Variants in SAMD5 observed in about 807,000 individuals in gnomAD.
SAMD5 encodes the protein sterile alpha motif domain-containing protein 5.
Under a neutral mutation model 11.3 loss-of-function variants are expected in SAMD5, and 13 were observed. The ratio of observed to expected loss-of-function variants is 1.15; its 90% CI spans 0.75 to 1.83. The LOEUF (loss-of-function observed/expected upper bound fraction) is 1.83. Among genes scored for constraint, SAMD5 ranks in the 40% most tolerant of loss-of-function variants. The pLI is 0.00. For synonymous variants in SAMD5, 129 were observed against 111.3 expected (o/e 1.16, Z -1.00); for missense variants, 255 against 239.1 (o/e 1.07, Z -0.44).
rs370130420 is a variant in SAMD5, at chr6:147,561,736, A to C, written c.460-2658A>C. 6.2e-4 allele frequency among the ~76,000 whole-genome samples: 95 copies of C among 152,276 alleles called. 1 individual carries two copies. Among genetic ancestry groups the C allele is most frequent in the African/African-American group, 2.1e-3 (88 of 41,566 alleles). ...GTTGTCTTCAGCAGTTACCTCCTTCAAGCTTGTCAGAATTTTAAAACCGTT... is the reference window on the plus strand; with the variant it reads ...GTTGTCTTCAGCAGTTACCTCCTTCCAGCTTGTCAGAATTTTAAAACCGTT... On this transcript the variant is annotated intron_variant, in intron 1 of 1. Coordinates refer to ENST00000367474, the MANE Select transcript of SAMD5 (RefSeq NM_001030060.3).
intron 1 of SAMD5, among the ~76,000 whole-genome samples, chr6:147,590,247 T>A (rs1473103536): frequency 6.6e-6 from 1 of 152,148 alleles, no homozygotes; most frequent in African/African-American, 2.4e-5. Context: ...AGATTGTATT[T>A]ATCTCTTAAA....
downstream of SAMD5, among the ~76,000 whole-genome samples, chr6:147,737,911 T>C (rs1221379307): frequency 2.0e-5 from 3 of 151,992 alleles, no homozygotes; most frequent in Non-Finnish European, 4.4e-5. Flanking sequence ...AAGAAAAACA[T>C]ACAGAAAGGA....
Position 147,569,877 on chromosome 6 carries a change from A to G in SAMD5, c.*5421A>G, listed in dbSNP as rs1382595804. On this transcript the variant is annotated 3_prime_UTR_variant, in exon 2 of 2. Coordinates refer to ENST00000367474, the MANE Select transcript of SAMD5 (RefSeq NM_001030060.3). ...TGACACTTTCTTTTCCCTTTCAGTT[A>G]TTATTTTTTTTAAAGGACGTTATGA... The G allele has an allele frequency of 1.0e-6, 1 of 985,028 alleles. No homozygotes were observed. The highest frequency in any genetic ancestry group is 1.2e-6 in the Non-Finnish European group (1 of 829,712). 61.0% of individuals were successfully genotyped at this position (985,028 alleles called of 1,614,324 possible). A position where few individuals can be genotyped will look rare whatever the true frequency, so the allele number is the denominator to read the frequency against.
the SAMD5 span, among the ~76,000 whole-genome samples, chr6:147,771,442 GC>G: frequency 6.6e-6 from 1 of 152,106 alleles, no homozygotes; most frequent in Admixed American, 6.5e-5. Flanking sequence ...AGGAATGAAG[GC>G]CCTGGTAATC....
intron 1 of SAMD5, among the ~76,000 whole-genome samples, chr6:147,650,793 T>C (rs1790472472): frequency 6.6e-6 from 1 of 152,108 alleles, no homozygotes; most frequent in African/African-American, 2.4e-5. Context: ...GCGGTTTCCA[T>C]GTGTTCAGTT....
At chr6:147,613,379 T>C (rs1011152665) in intron 1 of SAMD5, among the ~76,000 whole-genome samples, 2 of 151,836 alleles carry the variant, frequency 1.3e-5, no homozygotes, top group South Asian at 4.2e-4. Flanking sequence ...GATAGTCTGA[T>C]CCATTGTCAA....
the SAMD5 span, among the ~76,000 whole-genome samples, chr6:147,756,747 GCCA>G: frequency 6.6e-6 from 1 of 152,176 alleles, no homozygotes; most frequent in Non-Finnish European, 1.5e-5. Context: ...TAAGTCTGTA[GCCA>G]CCATTTGTGT....
intron 1 of SAMD5, among the ~76,000 whole-genome samples, chr6:147,685,058 G>A (rs540415513): frequency 6.6e-4 from 100 of 152,276 alleles, no homozygotes; most frequent in Non-Finnish European, 1.2e-3. Context: ...TGTAACTTAT[G>A]GAATGGAGCA....
At chr6:147,888,209 G>A in the SAMD5 span, among the ~76,000 whole-genome samples, 10 of 152,008 alleles carry the variant, frequency 6.6e-5, no homozygotes, top group South Asian at 2.1e-3. Context: ...ATTTTGTCTA[G>A]GAAAACATTG....
In SAMD5 at chr6:147,568,042, C is replaced by A; in HGVS notation, c.*3586C>A. Reference sequence around the variant, plus strand: ...TTCATTAGCTTTCTTCTCTTTATGGCAGCTTCAGATTGATGAATTTGAGGT... The same window carrying A: ...TTCATTAGCTTTCTTCTCTTTATGGAAGCTTCAGATTGATGAATTTGAGGT... On this transcript the variant is annotated 3_prime_UTR_variant, in exon 2 of 2. Transcript: ENST00000367474. 1 of 985,284 alleles carries A rather than the reference C, an allele frequency of 1.0e-6. No individual in the cohort carries two copies. The highest frequency in any genetic ancestry group is 1.7e-5 in the African/African-American group (1 of 57,338). 61.0% of individuals were successfully genotyped at this position (985,284 alleles called of 1,614,324 possible).
chr6:147,565,100 T>G lies in SAMD5; in HGVS notation c.*644T>G. 1 of 984,902 alleles carries G rather than the reference T, an allele frequency of 1.0e-6. No individual in the cohort carries two copies. Among genetic ancestry groups the G allele is most frequent in the Non-Finnish European group, 1.2e-6 (1 of 829,442 alleles). 61.0% of individuals were successfully genotyped at this position (984,902 alleles called of 1,614,324 possible). On this transcript the variant is annotated 3_prime_UTR_variant, in exon 2 of 2. Transcript: ENST00000367474. Reference sequence around the variant, plus strand: ...CAAGAGAGGACAATTTCTTCTAACTTCTCTTTTTAAATTTAATCTGGCTGA... The same window carrying G: ...CAAGAGAGGACAATTTCTTCTAACTGCTCTTTTTAAATTTAATCTGGCTGA...
In SAMD5 at chr6:147,654,792, AT is replaced by A. The variant is rs934138661; in HGVS notation, c.163-82524del. Among the ~76,000 whole-genome samples the A allele has an allele frequency of 6.1e-5, 9 of 147,748 alleles. No individual in the cohort carries two copies. In the South Asian group the frequency reaches 1.1e-3, roughly 18 times the overall value. On this transcript the variant is annotated intron_variant, in intron 1 of 1. Coordinates refer to the SAMD5 transcript ENST00000566741. Reference sequence around the variant, plus strand: ...CTATCTTTTTCTCAAAAAAAAAAAAATATAAAACAAAGTGCAGGAAACCCAA... The same window carrying A: ...CTATCTTTTTCTCAAAAAAAAAAAAAATAAAACAAAGTGCAGGAAACCCAA...
At chr6:147,668,047 C>T (rs542999366) in intron 1 of SAMD5, among the ~76,000 whole-genome samples, 35 of 152,020 alleles carry the variant, frequency 2.3e-4, no homozygotes, top group Middle Eastern at 6.8e-3. Flanking sequence ...ACTAAAAATG[C>T]GATACAAGAA....
chr6:147,570,240 T>A (rs1451766690), downstream of SAMD5, among the ~76,000 whole-genome samples: 1 of 152,058 alleles, frequency 6.6e-6, no homozygotes, highest in Admixed American at 6.5e-5. Context: ...TTTGGTATGG[T>A]TGTTATATGT....
At chr6:147,632,924 C>T (rs1216766754) in intron 1 of SAMD5, among the ~76,000 whole-genome samples, 2 of 152,170 alleles carry the variant, frequency 1.3e-5, no homozygotes, top group Non-Finnish European at 2.9e-5. Context: ...TTTCCACAGT[C>T]ATGCCTTTGC....
the SAMD5 span, among the ~76,000 whole-genome samples, chr6:147,829,159 G>T: frequency 1.3e-5 from 2 of 152,276 alleles, no homozygotes; most frequent in Middle Eastern, 3.4e-3. Flanking sequence ...GAAGTAGTTT[G>T]CTAATATGAT....
In SAMD5 at chr6:147,569,595, C is replaced by A; in HGVS notation, c.*5139C>A. On this transcript the variant is annotated 3_prime_UTR_variant, in exon 2 of 2. Transcript: ENST00000367474. The stretch of plus-strand genomic sequence containing the variant: ...AAATGAAATGCTGTGTTAAATATCT[C>A]CAGGGCAAAGTGGTATGTTGACTGG... 3.1e-6 allele frequency: 3 copies of A among 983,464 alleles called. No homozygotes were observed. The highest frequency in any genetic ancestry group is 3.6e-6 in the Non-Finnish European group (3 of 828,196). 60.9% of individuals were successfully genotyped at this position (983,464 alleles called of 1,614,324 possible).
intron 1 of SAMD5, among the ~76,000 whole-genome samples, chr6:147,646,835 T>C (rs911309223): frequency 6.6e-6 from 1 of 151,878 alleles, no homozygotes; most frequent in Non-Finnish European, 1.5e-5. Flanking sequence ...TAAAAGAAAA[T>C]GTTATTAAGA....
At chr6:147,816,301 A>AAAAAAT in the SAMD5 span, among the ~76,000 whole-genome samples, 24 of 66,352 alleles carry the variant, frequency 3.6e-4, 1 homozygote, top group African/African-American at 2.0e-3. Context: ...AAAAAAAAAA[A>AAAAAAT]ATATATATAT....
Sources: allele counts gnomAD v4.1 joint callset (sites outside exome capture counted in the v4.1 genomes callset), GRCh38; gene constraint gnomAD v4.1.1; transcripts MANE v1.5; gene names NCBI Gene and HGNC (gene_info 2026-07-23, HGNC 2026-07-21).